Variants in SLC36A1 observed in about 807,000 individuals in gnomAD.
SLC36A1 encodes proton-coupled amino acid transporter 1.
In SLC36A1, 30 loss-of-function variants were observed where a neutral mutation model predicts 47.5. The observed-to-expected ratio is 0.63, with a 90% CI of 0.47 to 0.86. The LOEUF is 0.86. SLC36A1 is among the 40% of genes least tolerant of loss of function. The pLI is 0.00. For synonymous variants in SLC36A1, 255 were observed against 249.7 expected (o/e 1.02, Z -0.20); for missense variants, 517 against 606.0 (o/e 0.85, Z 1.54).
chr5:151,511,704 G>A, the SLC36A1 span: 6 of 165,498 alleles, frequency 3.6e-5, no homozygotes, highest in East Asian at 1.6e-4. Context: ...GAGCGAAAGC[G>A]TAAACAACAT....
At chr5:151,478,868 T>G (rs576224544) in intron 9 of SLC36A1, among the ~76,000 whole-genome samples, 31 of 152,332 alleles carry the variant, frequency 2.0e-4, no homozygotes, top group African/African-American at 7.2e-4. Context: ...CTGTAGGTAC[T>G]GTATTGCTTC....
the SLC36A1 span, among the ~76,000 whole-genome samples, chr5:151,394,871 T>A: frequency 6.6e-6 from 1 of 152,214 alleles, no homozygotes; most frequent in African/African-American, 2.4e-5. Context: ...GAGGAGGCAG[T>A]CTGTCTGTTC....
At chr5:151,406,023 A>G in the SLC36A1 span, among the ~76,000 whole-genome samples, 1 of 152,332 alleles carries the variant, frequency 6.6e-6, no homozygotes, top group Admixed American at 6.5e-5. Context: ...CCTTTGCAGC[A>G]ACACTTTAGG....
the SLC36A1 span, among the ~76,000 whole-genome samples, chr5:151,406,072 C>T: frequency 1.3e-5 from 2 of 152,210 alleles, no homozygotes; most frequent in Non-Finnish European, 2.9e-5. Flanking sequence ...ACCCCTTCAA[C>T]AAGTCTCTTC....
the SLC36A1 span, chr5:151,549,160 A>G: frequency 1.4e-6 from 1 of 740,458 alleles, no homozygotes; most frequent in Non-Finnish European, 2.2e-6. Context: ...GTCCCAGGGA[A>G]TGCTCTAGAA....
chr5:151,467,850 C>A lies in SLC36A1; in HGVS notation c.648C>A (p.Ala216=). 1 of 1,613,990 alleles carries A rather than the reference C, an allele frequency of 6.2e-7. No individual in the cohort carries two copies. The highest frequency in any genetic ancestry group is 1.7e-5 in the Admixed American group (1 of 60,014). ...TGGTTTTCATCAGGAACCTCCGAGCCCTGTCCATCTTCTCCCTGTTGGCCA... is the reference window on the plus strand; with the variant it reads ...TGGTTTTCATCAGGAACCTCCGAGCACTGTCCATCTTCTCCCTGTTGGCCA... ...VLLVFIRNLR[A]LSIFSLLANI... is the part of the protein sequence containing the mutation. The change falls in exon 7 of 11, where the codon GCC becomes GCA. Residue 216 remains alanine, a synonymous_variant. Transcript: ENST00000243389.
the SLC36A1 span, chr5:151,506,199 A>C: frequency 7.7e-7 from 1 of 1,292,648 alleles, no homozygotes; most frequent in South Asian, 1.8e-5. Flanking sequence ...TGGAGATGGG[A>C]GTGGGTGGGC....
At chr5:151,481,814 C>G (rs1758837297) in intron 10 of SLC36A1, among the ~76,000 whole-genome samples, 1 of 152,164 alleles carries the variant, frequency 6.6e-6, no homozygotes, top group African/African-American at 2.4e-5. Context: ...TCATATCGGA[C>G]AGTATCTACT....
chr5:151,508,014 G>A, the SLC36A1 span, among the ~76,000 whole-genome samples: 1 of 152,164 alleles, frequency 6.6e-6, no homozygotes, highest in African/African-American at 2.4e-5. Context: ...AATGTTCCCT[G>A]CTGTGCTTCA....
chr5:151,548,350 A>G, the SLC36A1 span, among the ~76,000 whole-genome samples: 1 of 151,974 alleles, frequency 6.6e-6, no homozygotes, highest in African/African-American at 2.4e-5. Context: ...ATTATTACAA[A>G]TTATCATTAA....
chr5:151,499,392 T>C, the SLC36A1 span, among the ~76,000 whole-genome samples: 1 of 152,168 alleles, frequency 6.6e-6, no homozygotes, highest in Non-Finnish European at 1.5e-5. Context: ...CACCAGTGTT[T>C]CAAGTCGTGC....
chr5:151,361,045 T>G, the SLC36A1 span, among the ~76,000 whole-genome samples: 2 of 152,256 alleles, frequency 1.3e-5, no homozygotes, highest in African/African-American at 4.8e-5. Flanking sequence ...AGTAATGTTA[T>G]GTACAACATC....
the SLC36A1 span, among the ~76,000 whole-genome samples, chr5:151,391,621 A>C: frequency 1.2e-3 from 187 of 152,272 alleles, no homozygotes; most frequent in African/African-American, 4.3e-3. Context: ...AGGGCTGTTG[A>C]ATTTTGTCAA....
At chr5:151,550,929 G>A in the SLC36A1 span, 2 of 1,549,010 alleles carry the variant, frequency 1.3e-6, no homozygotes, top group African/African-American at 1.4e-5. Context: ...CAGGGACTGG[G>A]TCTGTCTGGA....
upstream of SLC36A1, among the ~76,000 whole-genome samples, chr5:151,444,493 T>C (rs1752807699): frequency 6.6e-6 from 1 of 152,124 alleles, no homozygotes; most frequent in Non-Finnish European, 1.5e-5. Flanking sequence ...TATTATTGAT[T>C]TTTTAATTTT....
At chr5:151,346,041 T>A in the SLC36A1 span, among the ~76,000 whole-genome samples, 10 of 152,236 alleles carry the variant, frequency 6.6e-5, no homozygotes, top group African/African-American at 2.4e-4. Context: ...CCACGCTTAC[T>A]CAGCCCGTTA....
chr5:151,391,915 A>G, the SLC36A1 span, among the ~76,000 whole-genome samples: 2 of 152,236 alleles, frequency 1.3e-5, no homozygotes, highest in Non-Finnish European at 2.9e-5. Flanking sequence ...TGCTGGCCTC[A>G]TAAAATGAGT....
chr5:151,543,846 G>A, the SLC36A1 span: 2 of 1,614,118 alleles, frequency 1.2e-6, no homozygotes, highest in East Asian at 4.5e-5. Flanking sequence ...TGTTAATGAA[G>A]AAGTGCCTGT....
chr5:151,507,583 C>T, the SLC36A1 span: 1 of 1,611,626 alleles, frequency 6.2e-7, no homozygotes, highest in Non-Finnish European at 8.5e-7. Context: ...CAGTGTCCTT[C>T]TGAACAACCC....
Sources: gnomAD v4.1 joint callset for allele counts (sites outside exome capture counted in the v4.1 genomes callset) on GRCh38, gnomAD v4.1.1 for gene constraint, MANE v1.5 for transcripts, NCBI Gene and HGNC (gene_info 2026-07-23, HGNC 2026-07-21) for gene names.